Variants in CLMP observed in about 807,000 individuals in gnomAD.
CLMP encodes the protein CXADR-like membrane protein.
Under a neutral mutation model 45.2 loss-of-function variants are expected in CLMP, and 27 were observed. The observed-to-expected ratio is 0.60, with a 90% confidence interval of 0.44 to 0.82. CLMP has a LOEUF of 0.82. Ranked by LOEUF, CLMP falls within the 40% of genes least tolerant of loss-of-function variation. The pLI is 0.00. For synonymous variants in CLMP, 167 were observed against 171.4 expected (o/e 0.97, Z 0.20); for missense variants, 403 against 448.4 (o/e 0.90, Z 0.91).
intron 1 of CLMP, among the ~76,000 whole-genome samples, chr11:123,182,897 T>C (rs1050824639): frequency 1.3e-5 from 2 of 152,176 alleles, no homozygotes; most frequent in African/African-American, 4.8e-5. Flanking sequence ...GACCCTTAAC[T>C]CCTTTCTTCC....
At chr11:123,078,631 T>A (rs576130418) in intron 5 of CLMP, among the ~76,000 whole-genome samples, 2 of 144,016 alleles carry the variant, frequency 1.4e-5, no homozygotes, top group Non-Finnish European at 3.0e-5. Context: ...TTTTTTGTGT[T>A]TTTTTTGGTT....
intron 1 of CLMP, among the ~76,000 whole-genome samples, chr11:123,108,408 C>T (rs12283772): frequency 0.1 from 15,628 of 152,160 alleles, 876 homozygotes; most frequent in East Asian, 0.16. Flanking sequence ...GCCTAGTTAT[C>T]TCCTCCCACC....
At chr11:123,114,472 CTTT>C (rs768261705) in intron 1 of CLMP, among the ~76,000 whole-genome samples, 1 of 125,378 alleles carries the variant, frequency 8.0e-6, no homozygotes, top group Non-Finnish European at 1.7e-5. Context: ...TCCTTCCTTC[CTTT>C]TTTTTTTTTT....
chr11:123,075,480 G>T (rs534367535), intron 5 of CLMP, among the ~76,000 whole-genome samples: 7 of 151,854 alleles, frequency 4.6e-5, no homozygotes, highest in African/African-American at 1.7e-4. Context: ...TCCGCCTCCC[G>T]GATTCACGCC....
intron 2 of CLMP, among the ~76,000 whole-genome samples, chr11:123,091,652 A>G (rs1865933644): frequency 1.3e-5 from 2 of 152,256 alleles, no homozygotes; most frequent in South Asian, 4.1e-4. Flanking sequence ...ATGTCTGGGC[A>G]CCGATTTCCC....
intron 1 of CLMP, among the ~76,000 whole-genome samples, chr11:123,193,390 G>C (rs544450570): frequency 6.6e-6 from 1 of 152,378 alleles, no homozygotes; most frequent in African/African-American, 2.4e-5. Context: ...TAATAAGAGA[G>C]CCCTGAAGTT....
At chr11:123,144,751 A>C (rs1003349770) in intron 1 of CLMP, among the ~76,000 whole-genome samples, 1 of 152,216 alleles carries the variant, frequency 6.6e-6, no homozygotes, top group Admixed American at 6.5e-5. Flanking sequence ...CATATAAAGC[A>C]GTAGACAGAG....
chr11:123,094,183 C>T (rs1865964890), intron 2 of CLMP, among the ~76,000 whole-genome samples: 1 of 152,136 alleles, frequency 6.6e-6, no homozygotes, highest in Non-Finnish European at 1.5e-5. Context: ...TCTCTGCTCA[C>T]TGCAGCCTCG....
At chr11:123,161,496 A>T (rs1861487030) in intron 1 of CLMP, among the ~76,000 whole-genome samples, 1 of 151,960 alleles carries the variant, frequency 6.6e-6, no homozygotes, top group African/African-American at 2.4e-5. Context: ...GTGAAACCCC[A>T]TCTCTAAAAA....
At chr11:123,116,181 C>T (rs1860717720) in intron 1 of CLMP, among the ~76,000 whole-genome samples, 1 of 151,728 alleles carries the variant, frequency 6.6e-6, no homozygotes, top group African/African-American at 2.4e-5. Flanking sequence ...ATAAGCAATT[C>T]AATAATTCCA....
chr11:123,164,213 C>T (rs12285884), intron 1 of CLMP, among the ~76,000 whole-genome samples: 13,299 of 152,212 alleles, frequency 0.087, 768 homozygotes, highest in African/African-American at 0.16. Context: ...CTTTGTCTGT[C>T]TGCCTTAATA....
At chr11:123,173,778 T>A (rs890059823) in intron 1 of CLMP, among the ~76,000 whole-genome samples, 5 of 151,866 alleles carry the variant, frequency 3.3e-5, no homozygotes, top group Non-Finnish European at 5.9e-5. Flanking sequence ...CTTCACCACA[T>A]CAAAAAAAAA....
At chr11:123,084,744 G>C in intron 2 of CLMP, 31 bp from the exon 3 acceptor site, 2 of 1,590,870 alleles carry the variant, frequency 1.3e-6, no homozygotes, top group Non-Finnish European at 1.7e-6. Context: ...GAGTCAAGCA[G>C]CGTAACTCTC....
chr11:123,108,630 G>A (rs147562238), intron 1 of CLMP, among the ~76,000 whole-genome samples: 15 of 152,158 alleles, frequency 9.9e-5, no homozygotes, highest in African/African-American at 3.6e-4. Flanking sequence ...GAAAGGAAGA[G>A]GAAGGGAAGT....
chr11:123,152,358 C>T (rs1861347554), intron 1 of CLMP, among the ~76,000 whole-genome samples: 1 of 151,750 alleles, frequency 6.6e-6, no homozygotes, highest in Non-Finnish European at 1.5e-5. Context: ...CCCGTCTCTA[C>T]TAAAAATACA....
intron 1 of CLMP, among the ~76,000 whole-genome samples, chr11:123,190,152 A>T (rs1421675265): frequency 6.6e-6 from 1 of 152,148 alleles, no homozygotes; most frequent in Non-Finnish European, 1.5e-5. Context: ...TGAGTATTTC[A>T]GTTACTGAAC....
intron 1 of CLMP, among the ~76,000 whole-genome samples, chr11:123,180,982 G>T (rs80230679): frequency 6.6e-6 from 1 of 152,272 alleles, no homozygotes; most frequent in African/African-American, 2.4e-5. Flanking sequence ...CTGGGGGCCC[G>T]GGGTGTGTGC....
At chr11:123,148,641 C>G (rs1233597910) in intron 1 of CLMP, among the ~76,000 whole-genome samples, 1 of 152,192 alleles carries the variant, frequency 6.6e-6, no homozygotes, top group African/African-American at 2.4e-5. Flanking sequence ...TTCAGACCTT[C>G]TAAGAGATGA....
chr11:123,113,433 A>T (rs1313265416), intron 1 of CLMP, among the ~76,000 whole-genome samples: 1 of 152,234 alleles, frequency 6.6e-6, no homozygotes, highest in Non-Finnish European at 1.5e-5. Flanking sequence ...GAGGAAGATC[A>T]CTAATGTGAT....
Sources: allele counts gnomAD v4.1 joint callset (sites outside exome capture counted in the v4.1 genomes callset), GRCh38; gene constraint gnomAD v4.1.1; transcripts MANE v1.5; gene names NCBI Gene and HGNC (gene_info 2026-07-23, HGNC 2026-07-21).